Variants in NEBL observed in about 807,000 individuals in gnomAD.
NEBL encodes nebulette.
NEBL carries 122 observed loss-of-function variants against 140.2 expected under a neutral mutation model. That is an observed-to-expected ratio of 0.87 (90% CI 0.75 to 1.01). The LOEUF (loss-of-function observed/expected upper bound fraction) is 1.01. Among genes scored for constraint, NEBL ranks in the 50% least tolerant of loss-of-function variants. The probability of loss-of-function intolerance (pLI) is 0.00; values close to 1 mark genes in which losing one functional copy is unlikely to be tolerated. For synonymous variants in NEBL, 436 were observed against 398.9 expected (o/e 1.09, Z -1.11); for missense variants, 1,365 against 1,231.3 (o/e 1.11, Z -1.62).
At chr10:21,166,361 T>G (rs1222530754) in intron 2 of NEBL, among the ~76,000 whole-genome samples, 2 of 152,168 alleles carry the variant, frequency 1.3e-5, no homozygotes, top group Admixed American at 1.3e-4. Flanking sequence ...TTCTGATGTT[T>G]TCTCTTCTCA....
intron 16 of NEBL, among the ~76,000 whole-genome samples, 160 bp from the exon 17 acceptor site, chr10:20,828,794 A>T (rs1031208945): frequency 2.0e-5 from 3 of 152,152 alleles, no homozygotes; most frequent in Admixed American, 6.5e-5. Flanking sequence ...GTGGAGAGAC[A>T]GAGATAGAAT....
At chr10:21,123,730 T>A (rs943872788) in intron 2 of NEBL, among the ~76,000 whole-genome samples, 2 of 151,124 alleles carry the variant, frequency 1.3e-5, no homozygotes, top group Non-Finnish European at 2.9e-5. Flanking sequence ...TCAGAATATA[T>A]ATATATATAT....
At position 20,889,934 on chromosome 10, in the gene NEBL, C is replaced by G; in HGVS notation, c.169G>C (p.Glu57Gln). The change falls in exon 3 of 28, where the codon GAG becomes CAG. Residue 57 changes from glutamate (E) to glutamine (Q), a missense_variant. This residue lies in a region of NEBL where 1,323 missense variants were observed against 1,154.8 expected (regional missense o/e 1.15). Coordinates refer to ENST00000377122, the MANE Select transcript of NEBL (RefSeq NM_006393.3). ...CACTTATCCTTGGACTTTTTAAACTCTTCTTTATAACGGATCTAAAAAAGA... is the reference window on the plus strand; with the variant it reads ...CACTTATCCTTGGACTTTTTAAACTGTTCTTTATAACGGATCTAAAAAAGA... ...ELISDIRYKE[E>Q]FKKSKDKCTF... 1.3e-6 allele frequency: 2 copies of G among 1,599,884 alleles called. No homozygotes were observed. The highest frequency in any genetic ancestry group is 1.1e-5 in the South Asian group (1 of 89,646).
chr10:21,224,748 T>C (rs1234353848), intron 3 of NEBL, among the ~76,000 whole-genome samples: 1 of 152,234 alleles, frequency 6.6e-6, no homozygotes, highest in Non-Finnish European at 1.5e-5. Flanking sequence ...CCTAAGTAGT[T>C]AATTTAATTT....
intron 2 of NEBL, among the ~76,000 whole-genome samples, chr10:21,089,978 T>G (rs763948721): frequency 1.3e-5 from 2 of 152,178 alleles, no homozygotes; most frequent in Admixed American, 6.5e-5. Flanking sequence ...ATGGCCTCTA[T>G]GTTGATGACT....
Position 20,832,138 on chromosome 10 carries a change from G to A in NEBL, c.1450-555C>T, listed in dbSNP as rs116282032. ...TTCACTGGCTCTCTGATTTGCCACT[G>A]GACAAGTCAATGTTCCCCACTCCTA... On this transcript the variant is annotated intron_variant, in intron 14 of 27. Transcript: ENST00000377122. Among the ~76,000 whole-genome samples, 1,496 of 152,196 alleles carry A rather than the reference G, an allele frequency of 9.8e-3. 26 individuals carry two copies. Among genetic ancestry groups the A allele is most frequent in the African/African-American group, 0.034 (1,426 of 41,514 alleles).
chr10:20,895,273 AGGTTAGGAACTCAG>A (rs1365865366), intron 2 of NEBL, among the ~76,000 whole-genome samples: 10 of 152,334 alleles, frequency 6.6e-5, no homozygotes, highest in African/African-American at 2.2e-4. Flanking sequence ...AAGCTGGAAG[AGGTTAGGAACTCAG>A]GGTTTTAGTT....
At chr10:20,909,022 G>T (rs1056775208) in intron 4 of NEBL, among the ~76,000 whole-genome samples, 5 of 150,984 alleles carry the variant, frequency 3.3e-5, no homozygotes, top group Admixed American at 1.3e-4. Context: ...TAATTTTTTG[G>T]GTACACAGTA....
intron 3 of NEBL, among the ~76,000 whole-genome samples, chr10:21,241,245 AAAATAAAT>A (rs372654187): frequency 2.2e-3 from 323 of 146,496 alleles, no homozygotes; most frequent in African/African-American, 4.1e-3. Context: ...CGATGCCAGC[AAAATAAAT>A]AAATAAATAA....
At chr10:20,934,312 TAA>T (rs1834362157) in intron 4 of NEBL, among the ~76,000 whole-genome samples, 1 of 152,184 alleles carries the variant, frequency 6.6e-6, no homozygotes, top group African/African-American at 2.4e-5. Flanking sequence ...AAGGGATATA[TAA>T]AGTGTTTGGG....
intron 3 of NEBL, among the ~76,000 whole-genome samples, chr10:21,241,085 G>A (rs1411516222): frequency 6.6e-6 from 1 of 151,890 alleles, no homozygotes; most frequent in Non-Finnish European, 1.5e-5. Flanking sequence ...GTGAAAAGAG[G>A]AGTTCTTCCC....
chr10:21,212,051 C>T (rs1173300286), intron 3 of NEBL, among the ~76,000 whole-genome samples: 3 of 151,560 alleles, frequency 2.0e-5, no homozygotes, highest in African/African-American at 4.8e-5. Context: ...AAATGTTATG[C>T]ATATATTATT....
chr10:21,189,033 G>A (rs1841527429), intron 3 of NEBL, among the ~76,000 whole-genome samples: 2 of 152,120 alleles, frequency 1.3e-5, no homozygotes, highest in Admixed American at 6.5e-5. Context: ...TATACATACT[G>A]TAAAATAACT....
At chr10:21,053,184 A>G (rs536886928) in intron 2 of NEBL, among the ~76,000 whole-genome samples, 7 of 152,354 alleles carry the variant, frequency 4.6e-5, no homozygotes, top group African/African-American at 1.7e-4. Context: ...TAAAAAAATT[A>G]AAAGAATTCA....
In NEBL at chr10:21,145,321, G is replaced by A. The variant is rs571896036; in HGVS notation, c.164+27062C>T. 2.4e-4 allele frequency among the ~76,000 whole-genome samples: 37 copies of A among 152,244 alleles called. No homozygotes were observed. The East Asian group carries it at 5.0e-3, about 21-fold the overall frequency. ...ATTCTCACATATGCCAAAGTTATTT[G>A]TATAAAGCTGTTCAATGCAGCACTA... On this transcript the variant is annotated intron_variant, in intron 2 of 6. Coordinates refer to the NEBL transcript ENST00000417816.
rs1158019955 is a variant in NEBL, at chr10:21,100,915, T to A, written c.164+71468A>T. Among the ~76,000 whole-genome samples the A allele has an allele frequency of 2.6e-5, 4 of 152,268 alleles. No homozygotes were observed. The East Asian group carries it at 7.7e-4, about 29-fold the overall frequency. ...TGTGATTGGTCTCAGATGGCTCTTGTAACAGTTTTTGTTTCTTTGTTTGTT... is the reference window on the plus strand; with the variant it reads ...TGTGATTGGTCTCAGATGGCTCTTGAAACAGTTTTTGTTTCTTTGTTTGTT... On this transcript the variant is annotated intron_variant, in intron 2 of 6. Coordinates refer to the NEBL transcript ENST00000417816.
At chr10:21,084,552 G>A (rs960932331) in intron 2 of NEBL, among the ~76,000 whole-genome samples, 3 of 151,930 alleles carry the variant, frequency 2.0e-5, no homozygotes, top group Admixed American at 6.6e-5. Flanking sequence ...AGCCGAGATC[G>A]TGCCACTGCA....
intron 2 of NEBL, among the ~76,000 whole-genome samples, chr10:21,069,452 G>A (rs987011580): frequency 1.3e-5 from 2 of 152,180 alleles, no homozygotes; most frequent in African/African-American, 2.4e-5. Flanking sequence ...CAGGATTCCA[G>A]AAATAGTTTG....
intron 2 of NEBL, chr10:21,029,956 G>A: frequency 1.8e-6 from 1 of 545,778 alleles, no homozygotes; most frequent in Non-Finnish European, 3.4e-6. Context: ...TTTCTCTCGG[G>A]ATGATTATAG....
Sources: gnomAD v4.1 joint callset for allele counts (sites outside exome capture counted in the v4.1 genomes callset) on GRCh38, gnomAD v4.1.1 for gene constraint, gnomAD v4.1.1 regional missense constraint, MANE v1.5 for transcripts, NCBI Gene and HGNC (gene_info 2026-07-23, HGNC 2026-07-21) for gene names.